Variants in CFAP299 observed in about 807,000 individuals in gnomAD.
The protein encoded by CFAP299 is cilia- and flagella-associated protein 299.
In CFAP299, 21 loss-of-function variants were observed where a neutral mutation model predicts 27.0. That is an observed-to-expected ratio of 0.78 (90% CI 0.55 to 1.12). CFAP299 has a LOEUF of 1.12. Ranked by LOEUF, CFAP299 falls within the 50% of genes most tolerant of loss-of-function variation. CFAP299 has a pLI of 0.00. For synonymous variants in CFAP299, 104 were observed against 98.1 expected, an observed-to-expected ratio of 1.06 and a Z score of -0.36; for missense variants, 310 against 276.6, an observed-to-expected ratio of 1.12 and a Z score of -0.86.
chr4:80,454,425 G>A (rs1729050878), intron 2 of CFAP299, among the ~76,000 whole-genome samples: 1 of 152,174 alleles, frequency 6.6e-6, no homozygotes. Flanking sequence ...AACATGGACA[G>A]CTGGTATTGA....
rs76100617 is a variant in CFAP299 at position 80,599,809 on chromosome 4, G to A, written c.333+16626G>A. Reference sequence around the variant, plus strand: ...AAGTTGTAAGGGATCATTTATTTTTGAAATATTTACAGTAATGCTTTTGTA... The same window carrying A: ...AAGTTGTAAGGGATCATTTATTTTTAAAATATTTACAGTAATGCTTTTGTA... On this transcript the variant is annotated intron_variant, in intron 3 of 5. Transcript: ENST00000358105. Among the ~76,000 whole-genome samples, 1,032 of 152,104 alleles carry A rather than the reference G, an allele frequency of 6.8e-3. 13 individuals are homozygous for A. The highest frequency in any genetic ancestry group is 0.024 in the African/African-American group (991 of 41,498).
intron 2 of CFAP299, among the ~76,000 whole-genome samples, chr4:80,432,340 A>T (rs764746552): frequency 1.1e-4 from 17 of 151,738 alleles, no homozygotes; most frequent in Non-Finnish European, 2.1e-4. Context: ...TTTAGTAGAG[A>T]CGGGGTTTCA....
chr4:80,431,348 C>T (rs1209114929), intron 2 of CFAP299, among the ~76,000 whole-genome samples: 5 of 144,768 alleles, frequency 3.5e-5, no homozygotes, highest in East Asian at 2.1e-4. Flanking sequence ...TCTTTCCTTC[C>T]TTTTTTCCCT....
intron 2 of CFAP299, among the ~76,000 whole-genome samples, chr4:80,490,646 T>TA (rs1186922609): frequency 6.6e-6 from 1 of 152,250 alleles, no homozygotes; most frequent in African/African-American, 2.4e-5. Flanking sequence ...TAGTATAACT[T>TA]ACATTCTTAA....
intron 2 of CFAP299, among the ~76,000 whole-genome samples, chr4:80,428,117 T>G (rs1311719460): frequency 6.6e-6 from 1 of 152,210 alleles, no homozygotes; most frequent in East Asian, 1.9e-4. Flanking sequence ...AGTGAGTTTT[T>G]GGCAGAGTTT....
intron 1 of CFAP299, among the ~76,000 whole-genome samples, chr4:80,344,310 T>G (rs1722619690): frequency 6.6e-6 from 1 of 150,762 alleles, no homozygotes; most frequent in African/African-American, 2.4e-5. Context: ...TCAGAAATGA[T>G]AAGGAAGATA....
chr4:80,625,009 G>C (rs963827627), intron 3 of CFAP299, among the ~76,000 whole-genome samples: 4 of 151,830 alleles, frequency 2.6e-5, no homozygotes, highest in Non-Finnish European at 4.4e-5. Flanking sequence ...CAAGGTGAAA[G>C]AAAAAAACAC....
At chr4:80,386,555 T>TG in intron 2 of CFAP299, 2 of 1,595,602 alleles carry the variant, frequency 1.3e-6, no homozygotes, top group Non-Finnish European at 1.7e-6. Context: ...CTTTTCCTTC[T>TG]GGGGGCCGAG....
At chr4:80,796,140 A>G (rs1727848926) in intron 3 of CFAP299, among the ~76,000 whole-genome samples, 1 of 152,182 alleles carries the variant, frequency 6.6e-6, no homozygotes, top group African/African-American at 2.4e-5. Context: ...TGTTGCCTCC[A>G]AAATCCAAAT....
chr4:80,612,412 T>C (rs1721295903), intron 3 of CFAP299, among the ~76,000 whole-genome samples: 1 of 152,096 alleles, frequency 6.6e-6, no homozygotes, highest in Admixed American at 6.6e-5. Flanking sequence ...AGAGTTTTTT[T>C]CTATCAAATG....
chr4:80,692,461 A>G (rs536973175), intron 3 of CFAP299, among the ~76,000 whole-genome samples: 4 of 152,254 alleles, frequency 2.6e-5, no homozygotes, highest in African/African-American at 4.8e-5. Context: ...TCCCTATTTA[A>G]TAAATGGTGC....
rs150680157 is a variant in CFAP299, at chr4:80,558,166, C to A, written c.243-24927C>A. 5.0e-3 allele frequency among the ~76,000 whole-genome samples: 747 copies of A among 150,280 alleles called. 10 individuals carry two copies. The highest frequency in any genetic ancestry group is 0.017 in the African/African-American group (715 of 40,904). On this transcript the variant is annotated intron_variant, in intron 2 of 5. Transcript: ENST00000358105. ...TTTCTGAACGTTAAAACTTTGAACC[C>A]ATGTCACAGTTTCTCTCTGTTTCCT...
At position 80,608,329 on chromosome 4, in the gene CFAP299, T is replaced by C. The variant is rs578107389; in HGVS notation, c.333+25146T>C. ...GTTGGATTTCCCCTTTTAATTTGTT[T>C]AAGCTAAATCAACAGGAGACTGATG... On this transcript the variant is annotated intron_variant, in intron 3 of 5. Coordinates refer to ENST00000358105, the MANE Select transcript of CFAP299 (RefSeq NM_152770.3). 3.9e-5 allele frequency: 59 copies of C among 1,526,842 alleles called. No individual in the cohort carries two copies. In the Middle Eastern group the frequency reaches 8.4e-4, roughly 22 times the overall value. 94.6% of individuals were successfully genotyped at this position (1,526,842 alleles called of 1,614,324 possible). A position where few individuals can be genotyped will look rare whatever the true frequency, so the allele number is the denominator to read the frequency against.
chr4:80,643,792 G>T (rs989621619), intron 3 of CFAP299, among the ~76,000 whole-genome samples: 1 of 152,072 alleles, frequency 6.6e-6, no homozygotes, highest in African/African-American at 2.4e-5. Context: ...CTGAGAATGA[G>T]TTTTTTGTAT....
intron 4 of CFAP299, among the ~76,000 whole-genome samples, chr4:80,939,838 T>C (rs1314420780): frequency 6.6e-6 from 1 of 152,180 alleles, no homozygotes; most frequent in African/African-American, 2.4e-5. Context: ...TCAGGCCTTT[T>C]TTATGGGTTT....
At chr4:80,416,934 T>C (rs1231779240) in intron 2 of CFAP299, among the ~76,000 whole-genome samples, 1 of 152,084 alleles carries the variant, frequency 6.6e-6, no homozygotes, top group African/African-American at 2.4e-5. Flanking sequence ...GGTGAGTCCA[T>C]AGAGTAAAGT....
chr4:80,856,930 A>G (rs1553900363), intron 3 of CFAP299, among the ~76,000 whole-genome samples: 1 of 151,548 alleles, frequency 6.6e-6, no homozygotes, highest in Non-Finnish European at 1.5e-5. Context: ...GTTTTTTCCA[A>G]TTCTGTGAAG....
At chr4:80,354,711 C>G (rs1723179959) in intron 1 of CFAP299, among the ~76,000 whole-genome samples, 1 of 152,002 alleles carries the variant, frequency 6.6e-6, no homozygotes, top group Non-Finnish European at 1.5e-5. Flanking sequence ...TGTGTTTTTT[C>G]CCTCTATATG....
chr4:80,674,953 G>C (rs1241732922), intron 3 of CFAP299, among the ~76,000 whole-genome samples: 1 of 152,028 alleles, frequency 6.6e-6, no homozygotes, highest in Non-Finnish European at 1.5e-5. Flanking sequence ...TAGCTTCCTT[G>C]CAATGTGTTT....
Sources: gnomAD v4.1 joint callset for allele counts (sites outside exome capture counted in the v4.1 genomes callset) on GRCh38, gnomAD v4.1.1 for gene constraint, MANE v1.5 for transcripts, NCBI Gene and HGNC (gene_info 2026-07-23, HGNC 2026-07-21) for gene names.